The following TJP1 variants were observed in gnomAD, a reference collection of about 807,000 sequenced individuals.
TJP1 encodes tight junction protein ZO-1.
A neutral mutation model predicts 194.2 loss-of-function variants in TJP1; 43 were observed. The observed-to-expected ratio is 0.22, with a 90% CI of 0.17 to 0.29. TJP1 has a LOEUF of 0.29. Ranked by LOEUF, TJP1 falls within the 10% of genes least tolerant of loss-of-function variation. TJP1 has a pLI of 1.00. For missense variants in TJP1, 1,971 were observed against 2,185.7 expected, an observed-to-expected ratio of 0.90 and a Z score of 1.96; for synonymous variants, 801 against 779.0, an observed-to-expected ratio of 1.03 and a Z score of -0.47.
At chr15:29,721,224 C>A (rs2042910194) in intron 18 of TJP1, among the ~76,000 whole-genome samples, 1 of 152,178 alleles carries the variant, frequency 6.6e-6, no homozygotes, top group Non-Finnish European at 1.5e-5. Flanking sequence ...ACCCAAATCT[C>A]ATGTTGAATT....
chr15:29,813,847 A>G (rs1366044821), intron 1 of TJP1, among the ~76,000 whole-genome samples: 2 of 152,194 alleles, frequency 1.3e-5, no homozygotes, highest in Non-Finnish European at 2.9e-5. Context: ...AGCACCTACA[A>G]CAGTGATTGG....
At chr15:29,860,162 A>G (rs1033506069) in intron 2 of TJP1, among the ~76,000 whole-genome samples, 3 of 152,194 alleles carry the variant, frequency 2.0e-5, no homozygotes, top group Admixed American at 2.0e-4. Context: ...GTCAGAGCCC[A>G]CAGAGTCTGC....
chr15:29,761,583 A>C lies in TJP1; in HGVS notation c.862+18T>G. 1.3e-6 allele frequency: 2 copies of C among 1,579,166 alleles called. No homozygotes were observed. Among genetic ancestry groups the C allele is most frequent in the Non-Finnish European group, 1.7e-6 (2 of 1,159,612 alleles). On this transcript the variant is annotated intron_variant, in intron 7 of 27. Coordinates refer to ENST00000614355, the MANE Select transcript of TJP1 (RefSeq NM_001330239.4). ...AATAGGTCACTTAGAGGGAACGTTC[A>C]AACAGAATCACACTCACCGTCTCTC...
rs112551381 is a variant in TJP1 at position 29,730,891 on chromosome 15, C to G, written c.2017+1542G>C. ...GTACCCAAAGGGAAAAAGGGAAAAG[C>G]TGATGCTGGCAAGGAGGGGAATAAC... is the stretch of plus-strand genomic sequence containing the variant. On this transcript the variant is annotated intron_variant, in intron 15 of 27. Transcript: ENST00000614355. 6 of 1,245,466 alleles carry G rather than the reference C, an allele frequency of 4.8e-6. No homozygotes were observed. In the Admixed American group the frequency reaches 5.0e-5, roughly 10 times the overall value. 77.2% of individuals were successfully genotyped at this position (1,245,466 alleles called of 1,614,324 possible). A position where few individuals can be genotyped will look rare whatever the true frequency, so the allele number is the denominator to read the frequency against.
In TJP1 at chr15:29,727,873, C is replaced by T. The variant is rs957668297; in HGVS notation, c.2100+64G>A. On this transcript the variant is annotated intron_variant, in intron 16 of 27. Coordinates refer to ENST00000614355, the MANE Select transcript of TJP1 (RefSeq NM_001330239.4). ...AAACTACCTTCTACTTTCAAATTAACCAAATCCCATCCCACTCAAAACCAC... is the reference window on the plus strand; with the variant it reads ...AAACTACCTTCTACTTTCAAATTAATCAAATCCCATCCCACTCAAAACCAC... 5.2e-5 allele frequency: 73 copies of T among 1,402,442 alleles called. No homozygotes were observed. In the Middle Eastern group the frequency reaches 1.2e-3, roughly 23 times the overall value. 86.9% of individuals were successfully genotyped at this position (1,402,442 alleles called of 1,614,324 possible). A position where few individuals can be genotyped will look rare whatever the true frequency, so the allele number is the denominator to read the frequency against.
chr15:29,798,950 G>A (rs1478924587), intron 2 of TJP1, among the ~76,000 whole-genome samples: 1 of 152,156 alleles, frequency 6.6e-6, no homozygotes, highest in East Asian at 1.9e-4. Context: ...TCTAGAAAAG[G>A]CAAGAATGTA....
intron 2 of TJP1, among the ~76,000 whole-genome samples, chr15:29,842,999 C>A (rs1355272012): frequency 2.6e-5 from 4 of 151,976 alleles, no homozygotes; most frequent in Non-Finnish European, 4.4e-5. Context: ...TTTAAAAAGT[C>A]ATTGCTATAA....
chr15:29,710,339 G>A (rs532929034), intron 24 of TJP1, among the ~76,000 whole-genome samples: 3 of 152,294 alleles, frequency 2.0e-5, no homozygotes, highest in African/African-American at 7.2e-5. Context: ...AGAGAAGTCT[G>A]TGCTAGGAAA....
chr15:29,757,394 T>C (rs1226970489), intron 8 of TJP1, among the ~76,000 whole-genome samples: 1 of 152,008 alleles, frequency 6.6e-6, no homozygotes, highest in Non-Finnish European at 1.5e-5. Flanking sequence ...TACATACAAT[T>C]TGTAAAACAA....
At chr15:29,767,137 C>G (rs1415556549) in intron 4 of TJP1, among the ~76,000 whole-genome samples, 1 of 152,210 alleles carries the variant, frequency 6.6e-6, no homozygotes, top group East Asian at 1.9e-4. Context: ...AGTCTAGGTG[C>G]AAATTCTTCC....
intron 8 of TJP1, chr15:29,759,868 C>T (rs2045886318): frequency 4.0e-6 from 1 of 247,166 alleles, no homozygotes. Context: ...TTCATGTGTT[C>T]GACATTCAGG....
intron 2 of TJP1, among the ~76,000 whole-genome samples, chr15:29,784,598 C>A (rs1449521818): frequency 6.6e-6 from 1 of 152,136 alleles, no homozygotes; most frequent in Admixed American, 6.5e-5. Flanking sequence ...CCGTACCCAG[C>A]CGAGTCAAGG....
In TJP1 at chr15:29,782,629, G is replaced by T. The variant is rs377419774; in HGVS notation, c.85-9272C>A. 3.9e-5 allele frequency among the ~76,000 whole-genome samples: 6 copies of T among 152,022 alleles called. No individual in the cohort carries two copies. In the South Asian group the frequency reaches 6.2e-4, roughly 16 times the overall value. Reference sequence around the variant, plus strand: ...TCAGGCAATACCATTCTGGACATAGGAACTGGCAAAGATTGCATGACAAAG... The same window carrying T: ...TCAGGCAATACCATTCTGGACATAGTAACTGGCAAAGATTGCATGACAAAG... On this transcript the variant is annotated intron_variant, in intron 2 of 27. Coordinates refer to ENST00000614355, the MANE Select transcript of TJP1 (RefSeq NM_001330239.4).
intron 2 of TJP1, among the ~76,000 whole-genome samples, chr15:29,851,404 A>G (rs2051636993): frequency 6.6e-6 from 1 of 152,142 alleles, no homozygotes; most frequent in Non-Finnish European, 1.5e-5. Context: ...CTCAAAAACC[A>G]CAAATAGCCA....
chr15:29,796,409 A>T (rs1003795987), intron 2 of TJP1, among the ~76,000 whole-genome samples: 12 of 151,950 alleles, frequency 7.9e-5, no homozygotes, highest in African/African-American at 2.9e-4. Context: ...TTGAAATGAA[A>T]AAAAAAAAAC....
At chr15:29,854,919 CAACT>C (rs931745490) in intron 2 of TJP1, among the ~76,000 whole-genome samples, 8 of 151,800 alleles carry the variant, frequency 5.3e-5, no homozygotes, top group African/African-American at 1.7e-4. Context: ...AGGTTAGAAA[CAACT>C]AACTTTTAAT....
chr15:29,950,135 ACCACCACAACCACCACCT>A lies in TJP1; in HGVS notation c.306+6079_306+6096del, dbSNP rs2055658898. Among the ~76,000 whole-genome samples the A allele has an allele frequency of 5.5e-5, 3 of 54,286 alleles. No homozygotes were observed. The South Asian group carries it at 2.0e-3, about 37-fold the overall frequency. The allele number at this position is 54,286 out of a possible 152,430, so 35.6% of individuals were successfully genotyped here. A position where few individuals can be genotyped will look rare whatever the true frequency, so the allele number is the denominator to read the frequency against. ...CACCTCCACAACCACCACCTCCACCACCACCACAACCACCACCTCCACCACCACCACAACCACTACCTC... is the reference window on the plus strand; with the variant it reads ...CACCTCCACAACCACCACCTCCACCACCACCACCACCACAACCACTACCTC... On this transcript the variant is annotated intron_variant, in intron 2 of 28. Transcript: ENST00000356107.
At chr15:29,717,010 TCA>T (rs1198030653) in intron 22 of TJP1, among the ~76,000 whole-genome samples, 172 bp from the exon 23 acceptor site, 1 of 152,226 alleles carries the variant, frequency 6.6e-6, no homozygotes, top group Non-Finnish European at 1.5e-5. Flanking sequence ...TCCCATGTCC[TCA>T]CAGAGTATAC....
At position 29,933,819 on chromosome 15, in the gene TJP1, C is replaced by CTT. The variant is rs1237188838; in HGVS notation, c.306+22411_306+22412dup. Among the ~76,000 whole-genome samples the CTT allele has an allele frequency of 8.5e-5, 13 of 152,218 alleles. No homozygotes were observed. In the East Asian group the frequency reaches 2.5e-3, roughly 30 times the overall value. ...CCTGAAAGCAGAGGGAGAGGATGGA[C>CTT]TTTAAAAGAGTTCTGGATCATGACT... On this transcript the variant is annotated intron_variant, in intron 2 of 28. Coordinates refer to the TJP1 transcript ENST00000356107.
Sources: gnomAD v4.1 joint callset for allele counts (sites outside exome capture counted in the v4.1 genomes callset) on GRCh38, gnomAD v4.1.1 for gene constraint, MANE v1.5 for transcripts, NCBI Gene and HGNC (gene_info 2026-07-23, HGNC 2026-07-21) for gene names.